Variants in TP73 observed in about 807,000 individuals in gnomAD.
TP73 encodes the protein tumor protein p73, also known as p53-like transcription factor.
TP73 carries 25 observed loss-of-function variants against 62.5 expected under a neutral mutation model. That is an observed-to-expected ratio of 0.40 (90% confidence interval 0.29 to 0.56). TP73 has a LOEUF of 0.56. Among genes scored for constraint, TP73 ranks in the 20% least tolerant of loss-of-function variants. The pLI, the probability that TP73 is intolerant of heterozygous loss-of-function variation, is 0.46. For synonymous variants in TP73, 423 were observed against 377.5 expected (o/e 1.12, Z -1.40); for missense variants, 754 against 913.3 (o/e 0.83, Z 2.25).
chr1:3,718,521 G>A (rs1640800984), intron 4 of TP73, among the ~76,000 whole-genome samples: 3 of 152,166 alleles, frequency 2.0e-5, no homozygotes, highest in Admixed American at 6.5e-5. Flanking sequence ...CTCAGGCTCC[G>A]CAGAGGACTA....
In TP73 at chr1:3,732,714, G is replaced by A. The variant is rs1017451594; in HGVS notation, c.1579-33G>A. ...CCCCCCCTGCTCTCCCTGCTCCACT[G>A]CCCCCTGCCCCTAATGCGCCGGCCT... On this transcript the variant is annotated intron_variant, in intron 13 of 13. Transcript: ENST00000378295. 1.8e-4 allele frequency: 279 copies of A among 1,533,794 alleles called. 5 individuals carry two copies. In the South Asian group the frequency reaches 3.3e-3, roughly 18 times the overall value.
At chr1:3,658,511 G>A (rs1164341713) in intron 1 of TP73, among the ~76,000 whole-genome samples, 1 of 148,168 alleles carries the variant, frequency 6.7e-6, no homozygotes, top group Admixed American at 6.8e-5. Flanking sequence ...GGGTGAGGGA[G>A]GAAACGTCTG....
At chr1:3,700,497 C>T (rs1209001637) in intron 3 of TP73, among the ~76,000 whole-genome samples, 1 of 151,870 alleles carries the variant, frequency 6.6e-6, no homozygotes, top group African/African-American at 2.4e-5. Flanking sequence ...AGATTTATTT[C>T]CCATCTACTT....
intron 12 of TP73, 39 bp downstream of exon 12, chr1:3,731,104 C>G (rs188842181): frequency 1.3e-6 from 2 of 1,595,524 alleles, no homozygotes; most frequent in Non-Finnish European, 1.7e-6. Context: ...GTGCTGTCAC[C>G]CTGTCTGTTC....
In TP73 at chr1:3,672,476, C is replaced by T. The variant is rs533021020; in HGVS notation, c.-33-9857C>T. Among the ~76,000 whole-genome samples the T allele has an allele frequency of 3.7e-4, 57 of 152,164 alleles. No individual in the cohort carries two copies. Among genetic ancestry groups the T allele is most frequent in the African/African-American group, 1.3e-3 (55 of 41,500 alleles). Reference sequence around the variant, plus strand: ...GTGGCAGCTCCAGCGAAGGCGGCTGCGGCCCCATCAGTCACCTGCCCTGCT... The same window carrying T: ...GTGGCAGCTCCAGCGAAGGCGGCTGTGGCCCCATCAGTCACCTGCCCTGCT... On this transcript the variant is annotated intron_variant, in intron 1 of 13. Coordinates refer to ENST00000378295, the MANE Select transcript of TP73 (RefSeq NM_005427.4). This position sits in a 1 kb window ranked among gnomAD's most constrained non-coding sequence, Gnocchi z 5.3.
intron 1 of TP73, among the ~76,000 whole-genome samples, chr1:3,656,714 C>T (rs1644873336): frequency 6.6e-6 from 1 of 152,196 alleles, no homozygotes; most frequent in Admixed American, 6.5e-5. Flanking sequence ...GACACGGCCC[C>T]CAGACACCTA....
chr1:3,721,526 C>T (rs549086751), intron 4 of TP73, among the ~76,000 whole-genome samples: 1 of 152,354 alleles, frequency 6.6e-6, no homozygotes, highest in African/African-American at 2.4e-5. Context: ...GGCAACCAGC[C>T]CATCACACAT....
intron 4 of TP73, among the ~76,000 whole-genome samples, chr1:3,713,721 G>A (rs2124433590): frequency 6.6e-6 from 1 of 152,282 alleles, no homozygotes. Flanking sequence ...AGGAAGAGGG[G>A]GACAGACAAT....
intron 1 of TP73, among the ~76,000 whole-genome samples, chr1:3,680,723 C>T (rs866941403): frequency 6.6e-6 from 1 of 152,224 alleles, no homozygotes; most frequent in South Asian, 2.1e-4. Context: ...TCAGCTGGAC[C>T]TGCGGTTCTG....
intron 4 of TP73, among the ~76,000 whole-genome samples, chr1:3,719,444 C>T (rs1035104155): frequency 2.0e-5 from 3 of 152,238 alleles, no homozygotes; most frequent in African/African-American, 7.2e-5. Flanking sequence ...GAGCCTGCCA[C>T]CACCTGGCCC....
intron 1 of TP73, among the ~76,000 whole-genome samples, chr1:3,680,156 AC>A (rs1190039728): frequency 6.6e-6 from 1 of 152,126 alleles, no homozygotes; most frequent in African/African-American, 2.4e-5. Flanking sequence ...GGGACAGCTC[AC>A]AGGCTGACAG....
At chr1:3,692,024 G>A (rs140282665) in intron 3 of TP73, among the ~76,000 whole-genome samples, 1,851 of 152,278 alleles carry the variant, frequency 0.012, 40 homozygotes, top group African/African-American at 0.042. Flanking sequence ...CATGCAATAC[G>A]CAGGCGAGGA....
chr1:3,688,609 G>A (rs941527930), intron 3 of TP73, among the ~76,000 whole-genome samples: 11 of 152,212 alleles, frequency 7.2e-5, no homozygotes, highest in Non-Finnish European at 1.0e-4. Context: ...TAAGGGCCAC[G>A]CCAAGGGGGT....
At chr1:3,677,265 G>A (rs779292285) in intron 1 of TP73, among the ~76,000 whole-genome samples, 6 of 152,154 alleles carry the variant, frequency 3.9e-5, no homozygotes, top group Non-Finnish European at 7.4e-5. Context: ...TGGAGTTGAG[G>A]ATCCAAGCAG....
chr1:3,732,738 C>G lies in TP73; in HGVS notation c.1579-9C>G, dbSNP rs762978184. Reference sequence around the variant, plus strand: ...TGCCCCCTGCCCCTAATGCGCCGGCCTCTCGCAGGACCTGGGGGCCCTGAA... The same window carrying G: ...TGCCCCCTGCCCCTAATGCGCCGGCGTCTCGCAGGACCTGGGGGCCCTGAA... On this transcript the variant is annotated splice_polypyrimidine_tract_variant and intron_variant, in intron 13 of 13. Coordinates refer to ENST00000378295, the MANE Select transcript of TP73 (RefSeq NM_005427.4). 8 of 1,556,310 alleles carry G rather than the reference C, an allele frequency of 5.1e-6. No individual in the cohort carries two copies. The highest frequency in any genetic ancestry group is 4.1e-5 in the African/African-American group (3 of 73,672).
chr1:3,661,433 G>A (rs373851521), intron 1 of TP73, among the ~76,000 whole-genome samples: 1 of 152,106 alleles, frequency 6.6e-6, no homozygotes, highest in Non-Finnish European at 1.5e-5. Context: ...ATCTGGCCAG[G>A]CATGGTGGGT....
chr1:3,682,511 A>G, intron 2 of TP73, 81 bp downstream of exon 2: 1 of 1,315,152 alleles, frequency 7.6e-7, no homozygotes, highest in Non-Finnish European at 1.0e-6. Flanking sequence ...CGCTGGGCTA[A>G]CTGGGCCAGA....
intron 8 of TP73, 72 bp from the exon 9 acceptor site, chr1:3,728,057 C>T: frequency 6.8e-7 from 1 of 1,463,538 alleles, no homozygotes; most frequent in Non-Finnish European, 9.3e-7. Flanking sequence ...GGGCAGGTCT[C>T]CCTCCTCCCG....
At chr1:3,711,612 G>A (rs1640146922) in intron 4 of TP73, among the ~76,000 whole-genome samples, 1 of 152,272 alleles carries the variant, frequency 6.6e-6, no homozygotes, top group Non-Finnish European at 1.5e-5. Context: ...AGAAGGCAGT[G>A]TGGGGTTGGA....
Sources: allele counts gnomAD v4.1 joint callset (sites outside exome capture counted in the v4.1 genomes callset), GRCh38; gene constraint gnomAD v4.1.1; non-coding constraint Gnocchi (gnomAD v3.1); transcripts MANE v1.5; gene names NCBI Gene and HGNC (gene_info 2026-07-23, HGNC 2026-07-21).